Variants in STX12 observed in about 807,000 individuals in gnomAD.
The protein encoded by STX12 is syntaxin 12.
Under a neutral mutation model 42.2 loss-of-function variants are expected in STX12, and 17 were observed. The observed-to-expected ratio is 0.40, with a 90% CI of 0.28 to 0.60. The LOEUF (loss-of-function observed/expected upper bound fraction) is 0.60. STX12 is among the 20% of genes least tolerant of loss of function. STX12 has a pLI of 0.39. For synonymous variants in STX12, 108 were observed against 116.7 expected, an observed-to-expected ratio of 0.93 and a Z score of 0.48; for missense variants, 297 against 330.9, an observed-to-expected ratio of 0.90 and a Z score of 0.79.
At chr1:27,811,286 T>A (rs577487805) in intron 5 of STX12, among the ~76,000 whole-genome samples, 2 of 117,252 alleles carry the variant, frequency 1.7e-5, no homozygotes, top group Non-Finnish European at 3.4e-5. Flanking sequence ...CCGGCCTGGA[T>A]GAAAGAGCGA....
At chr1:27,788,882 G>A (rs958807135) in intron 1 of STX12, among the ~76,000 whole-genome samples, 5 of 152,048 alleles carry the variant, frequency 3.3e-5, no homozygotes, top group African/African-American at 1.2e-4. Context: ...CGTGGTGGCA[G>A]GCGCCTGTAG....
intron 3 of STX12, among the ~76,000 whole-genome samples, 186 bp downstream of exon 3, chr1:27,793,818 C>A (rs1309295830): frequency 6.6e-6 from 1 of 152,016 alleles, no homozygotes; most frequent in South Asian, 2.1e-4. Flanking sequence ...AATGTACACA[C>A]CAGATGTGGC....
At position 27,793,518 on chromosome 1, in the gene STX12, T is replaced by C. The variant is rs769299337; in HGVS notation, c.189-15T>C. 6.2e-7 allele frequency: 1 copy of C among 1,609,808 alleles called. No homozygotes were observed. ...AGAAGTGACAACATCCTGAAACATA[T>C]CTTTTCTCTCTTAGGCAACAGTTAC... On this transcript the variant is annotated splice_polypyrimidine_tract_variant and intron_variant, in intron 2 of 8. Coordinates refer to ENST00000373943, the MANE Select transcript of STX12 (RefSeq NM_177424.3).
Position 27,812,154 on chromosome 1 carries a change from T to G in STX12, c.471-9T>G, listed in dbSNP as rs1191445753. On this transcript the variant is annotated splice_polypyrimidine_tract_variant and intron_variant, in intron 5 of 8. Transcript: ENST00000373943. The stretch of plus-strand genomic sequence containing the variant: ...GGAGAAATCACCTAGTGTGCCTGTT[T>G]CCCTGCAGCCATGAGGAGTGGAACC... 2 of 1,552,412 alleles carry G rather than the reference T, an allele frequency of 1.3e-6. No homozygotes were observed. The highest frequency in any genetic ancestry group is 1.4e-5 in the African/African-American group (1 of 73,216).
chr1:27,789,506 A>C, intron 1 of STX12, 56 bp from the exon 2 acceptor site: 1 of 1,265,412 alleles, frequency 7.9e-7, no homozygotes, highest in Non-Finnish European at 1.1e-6. Flanking sequence ...GAAGTAGGGT[A>C]CTCATGATGA....
At chr1:27,789,341 C>T (rs1480596181) in intron 1 of STX12, among the ~76,000 whole-genome samples, 1 of 152,088 alleles carries the variant, frequency 6.6e-6, no homozygotes, top group African/African-American at 2.4e-5. Flanking sequence ...AAACTACCAC[C>T]TTCTACTTTG....
At chr1:27,812,385 A>G in intron 6 of STX12, 117 bp downstream of exon 6, 2 of 764,106 alleles carry the variant, frequency 2.6e-6, no homozygotes, top group Non-Finnish European at 4.2e-6. Flanking sequence ...TCATTGTGTG[A>G]TTTGTATTTT....
intron 1 of STX12, among the ~76,000 whole-genome samples, chr1:27,787,260 C>T (rs918131915): frequency 1.3e-5 from 2 of 152,150 alleles, no homozygotes; most frequent in African/African-American, 2.4e-5. Flanking sequence ...GGAGAAATAA[C>T]GTGTACTTAC....
At chr1:27,799,162 C>T (rs2088809553) in intron 3 of STX12, among the ~76,000 whole-genome samples, 1 of 152,158 alleles carries the variant, frequency 6.6e-6, no homozygotes, top group Admixed American at 6.5e-5. Flanking sequence ...ATTACCATCA[C>T]TCTTCCAGGT....
At chr1:27,775,959 C>T (rs777008746) in intron 1 of STX12, among the ~76,000 whole-genome samples, 4 of 151,950 alleles carry the variant, frequency 2.6e-5, no homozygotes, top group Non-Finnish European at 5.9e-5. Flanking sequence ...AATTGTGGCC[C>T]AAACATGAAG....
At chr1:27,776,216 G>T (rs1229744848) in intron 1 of STX12, among the ~76,000 whole-genome samples, 1 of 152,098 alleles carries the variant, frequency 6.6e-6, no homozygotes, top group Admixed American at 6.5e-5. Context: ...AGTACATACT[G>T]TGTTCCAGGC....
At chr1:27,801,840 C>T in intron 4 of STX12, 25 bp downstream of exon 4, 1 of 1,562,836 alleles carries the variant, frequency 6.4e-7, no homozygotes, top group Non-Finnish European at 8.6e-7. Flanking sequence ...AAAAGAAGAC[C>T]TTTGCAATAT....
chr1:27,809,820 G>A (rs1298220980), intron 4 of STX12: 1 of 154,164 alleles, frequency 6.5e-6, no homozygotes, highest in Non-Finnish European at 1.4e-5. Context: ...AGAAAAAAAG[G>A]TAACACCATT....
intron 6 of STX12, among the ~76,000 whole-genome samples, chr1:27,814,289 T>G (rs557914002): frequency 6.6e-6 from 1 of 152,224 alleles, no homozygotes; most frequent in East Asian, 1.9e-4. Context: ...CCCGGCAAGT[T>G]GGAGGCTGAG....
intron 3 of STX12, among the ~76,000 whole-genome samples, chr1:27,796,622 G>A (rs2088787363): frequency 6.6e-6 from 1 of 151,936 alleles, no homozygotes; most frequent in Non-Finnish European, 1.5e-5. Context: ...AAACTCCTGG[G>A]CTCAAGCAAT....
At chr1:27,794,576 C>A (rs191867193) in intron 3 of STX12, among the ~76,000 whole-genome samples, 3 of 151,942 alleles carry the variant, frequency 2.0e-5, no homozygotes, top group Admixed American at 2.0e-4. Context: ...TCAGATGTGC[C>A]CCTCCTTCAT....
chr1:27,785,808 G>C (rs1389326778), intron 1 of STX12, among the ~76,000 whole-genome samples: 1 of 152,178 alleles, frequency 6.6e-6, no homozygotes, highest in East Asian at 1.9e-4. Context: ...GTATCACCTG[G>C]GTGCCTGGCA....
intron 7 of STX12, among the ~76,000 whole-genome samples, chr1:27,819,342 A>G (rs966218100): frequency 1.3e-5 from 2 of 150,988 alleles, no homozygotes; most frequent in Non-Finnish European, 2.9e-5. Flanking sequence ...CTTTACCCAG[A>G]TTTACCTCTT....
intron 1 of STX12, among the ~76,000 whole-genome samples, chr1:27,786,272 T>C (rs1322192331): frequency 6.6e-6 from 1 of 151,294 alleles, no homozygotes; most frequent in African/African-American, 2.5e-5. Context: ...ACCCTTGCTT[T>C]GGGGACTTTG....
Sources: gnomAD v4.1 joint callset for allele counts (sites outside exome capture counted in the v4.1 genomes callset) on GRCh38, gnomAD v4.1.1 for gene constraint, MANE v1.5 for transcripts, NCBI Gene and HGNC (gene_info 2026-07-23, HGNC 2026-07-21) for gene names.